The following UVSSA variants were observed in gnomAD, a reference collection of about 807,000 sequenced individuals.
UVSSA encodes UV-stimulated scaffold protein A.
Under a neutral mutation model 73.9 loss-of-function variants are expected in UVSSA, and 72 were observed. The ratio of observed to expected loss-of-function variants is 0.97; its 90% CI spans 0.81 to 1.19. UVSSA has a LOEUF of 1.19. Ranked by LOEUF, UVSSA falls within the 50% of genes most tolerant of loss-of-function variation. The probability of loss-of-function intolerance (pLI) is 0.00; values close to 1 mark genes in which losing one functional copy is unlikely to be tolerated. For missense variants in UVSSA, 1,150 were observed against 965.0 expected, an observed-to-expected ratio of 1.19 and a Z score of -2.54; for synonymous variants, 454 against 391.3, an observed-to-expected ratio of 1.16 and a Z score of -1.89.
rs1719778731 is a variant in UVSSA, at chr4:1,383,782, G to A, written c.1878G>A (p.Glu626=). The A allele has an allele frequency of 5.0e-6, 8 of 1,613,498 alleles. No individual in the cohort carries two copies. Among genetic ancestry groups the A allele is most frequent in the Non-Finnish European group, 5.1e-6 (6 of 1,179,996 alleles). Residue 626 remains glutamate (E), a synonymous_variant, in exon 13 of 14, where the codon GAG becomes GAA. Coordinates refer to ENST00000389851, the MANE Select transcript of UVSSA (RefSeq NM_020894.4). ...KQERPEWQDP[E]LMRDVEAATG... Reference sequence around the variant, plus strand: ...TGTTTGCAGAATGGCAGGACCCTGAGTTGATGAGAGACGTGGAAGCAGCCA... The same window carrying A: ...TGTTTGCAGAATGGCAGGACCCTGAATTGATGAGAGACGTGGAAGCAGCCA...
At chr4:1,355,545 C>G (rs543217553) in intron 7 of UVSSA, among the ~76,000 whole-genome samples, 1 of 152,334 alleles carries the variant, frequency 6.6e-6, no homozygotes, top group South Asian at 2.1e-4. Flanking sequence ...CTGTCCCCCC[C>G]GTGACTCCTT....
rs1299161874 is a variant in UVSSA, at chr4:1,347,266, C to G, written c.-497C>G. 2.0e-5 allele frequency: 3 copies of G among 150,424 alleles called. No individual in the cohort carries two copies. The highest frequency in any genetic ancestry group is 4.5e-5 in the Non-Finnish European group (3 of 67,106). The allele number at this position is 150,424 out of a possible 1,614,324, so 9.3% of individuals were successfully genotyped here. ...TGTGGTTACGCTGCCGGGCGGGGGT[C>G]GCGCCGGTTCGGTCCCCGGGGCTCT... On this transcript the variant is annotated 5_prime_UTR_variant, in exon 1 of 14. Coordinates refer to ENST00000389851, the MANE Select transcript of UVSSA (RefSeq NM_020894.4).
intron 7 of UVSSA, among the ~76,000 whole-genome samples, chr4:1,361,878 G>A (rs202091283): frequency 1.3e-5 from 2 of 150,728 alleles, no homozygotes; most frequent in Admixed American, 6.6e-5. Context: ...TTATAAAAAG[G>A]GAAACAGACA....
In UVSSA at chr4:1,395,335, G is replaced by T; in HGVS notation, c.*9374G>T. The T allele has an allele frequency of 4.1e-6, 6 of 1,446,528 alleles. No homozygotes were observed. Among genetic ancestry groups the T allele is most frequent in the Non-Finnish European group, 5.5e-6 (6 of 1,097,776 alleles). 89.6% of individuals were successfully genotyped at this position (1,446,528 alleles called of 1,614,324 possible). On this transcript the variant is annotated 3_prime_UTR_variant, in exon 14 of 14. Coordinates refer to the UVSSA transcript ENST00000511216. ...TGGAGTGCCCGCCTGCTCACGTGCC[G>T]ATGTGGGGTGCCCGCCTGCTCACAT...
exon 14 of UVSSA, chr4:1,394,423 G>T (rs1311875734): frequency 6.3e-7 from 1 of 1,583,322 alleles, no homozygotes; most frequent in Non-Finnish European, 8.6e-7. Flanking sequence ...TGAAATCATT[G>T]ATCTACTTCT....
chr4:1,353,415 T>C lies in UVSSA; in HGVS notation c.934+2T>C. On this transcript the variant is annotated splice_donor_variant, in intron 5 of 13. Coordinates refer to ENST00000389851, the MANE Select transcript of UVSSA (RefSeq NM_020894.4). LOFTEE classifies it high-confidence loss of function. Reference sequence around the variant, plus strand: ...CGCTGGATGTGGAGCTCTGCTCAGGTAACTGCCTTCGCGGGGTCTCTGTGG... The same window carrying C: ...CGCTGGATGTGGAGCTCTGCTCAGGCAACTGCCTTCGCGGGGTCTCTGTGG... 1.3e-6 allele frequency: 2 copies of C among 1,517,900 alleles called. No homozygotes were observed. Among genetic ancestry groups the C allele is most frequent in the Non-Finnish European group, 1.8e-6 (2 of 1,129,870 alleles). The allele number at this position is 1,517,900 out of a possible 1,614,324, so 94.0% of individuals were successfully genotyped here.
chr4:1,348,566 G>A (rs558491585), intron 2 of UVSSA, among the ~76,000 whole-genome samples: 2 of 152,220 alleles, frequency 1.3e-5, no homozygotes, highest in African/African-American at 2.4e-5. Flanking sequence ...ATCGCCTTTA[G>A]GGTATGTCCA....
chr4:1,393,233 A>G (rs1720446023), exon 14 of UVSSA: 3 of 152,120 alleles, frequency 2.0e-5, no homozygotes, highest in Admixed American at 2.0e-4. Context: ...TGAATTTTTC[A>G]TTTCAGTTAT....
chr4:1,360,593 C>G (rs1560448459), intron 7 of UVSSA, among the ~76,000 whole-genome samples: 2 of 152,242 alleles, frequency 1.3e-5, no homozygotes, highest in Non-Finnish European at 2.9e-5. Context: ...TTCCCAGAGG[C>G]TGGCGTTCTG....
At chr4:1,377,702 G>A (rs1718943811) in intron 10 of UVSSA, among the ~76,000 whole-genome samples, 3 of 152,302 alleles carry the variant, frequency 2.0e-5, no homozygotes, top group Admixed American at 1.3e-4. Flanking sequence ...AGCAGCTGCT[G>A]GTGAGGACCC....
rs1457335612 is a variant in UVSSA, at chr4:1,395,220, G to A, written c.*9259G>A. 7.5e-6 allele frequency: 11 copies of A among 1,462,324 alleles called. 1 individual carries two copies. The highest frequency in any genetic ancestry group is 2.3e-5 in the East Asian group (1 of 43,340). 90.6% of individuals were successfully genotyped at this position (1,462,324 alleles called of 1,614,324 possible). On this transcript the variant is annotated 3_prime_UTR_variant, in exon 14 of 14. Coordinates refer to the UVSSA transcript ENST00000511216. Reference sequence around the variant, plus strand: ...CCCGCCTGCTCACACGTGCCGATGCGGAGTGCCCGCCTGCTCACACGTGCC... The same window carrying A: ...CCCGCCTGCTCACACGTGCCGATGCAGAGTGCCCGCCTGCTCACACGTGCC...
At chr4:1,363,813 C>T (rs548529028) in intron 7 of UVSSA, among the ~76,000 whole-genome samples, 133 of 152,376 alleles carry the variant, frequency 8.7e-4, no homozygotes, top group Non-Finnish European at 1.5e-3. Flanking sequence ...GACAGGCTTC[C>T]CTTTTGATCA....
At chr4:1,380,816 G>A in intron 11 of UVSSA, 64 bp from the exon 12 acceptor site, 1 of 1,593,862 alleles carries the variant, frequency 6.3e-7, no homozygotes, top group Non-Finnish European at 8.6e-7. Flanking sequence ...CGTGGTGGTG[G>A]GGGGAGGTGG....
At position 1,353,207 on chromosome 4, in the gene UVSSA, C is replaced by T. The variant is rs1349035769; in HGVS notation, c.728C>T (p.Pro243Leu). 15 of 1,612,476 alleles carry T rather than the reference C, an allele frequency of 9.3e-6. No individual in the cohort carries two copies. Among genetic ancestry groups the T allele is most frequent in the Admixed American group, 1.7e-5 (1 of 59,980 alleles). The change falls in exon 5 of 14, where the codon CCT becomes CTT. Residue 243 changes from proline to leucine, a missense_variant. Pro to Leu is a moderately conservative substitution (Grantham distance 98). Coordinates refer to ENST00000389851, the MANE Select transcript of UVSSA (RefSeq NM_020894.4). ...GTGGGCCCCTGCCGGTCTGGCACCC[C>T]TGACCCCCGGGACGGGGAGCAGCCC... ...GQVGPCRSGT[P>L]DPRDGEQPCC...
chr4:1,374,711 G>C (rs1033266676), intron 8 of UVSSA, among the ~76,000 whole-genome samples: 1 of 152,240 alleles, frequency 6.6e-6, no homozygotes, highest in African/African-American at 2.4e-5. Context: ...CCAGGGCCAA[G>C]ACCTTGGTCC....
rs1012095844 is a variant in UVSSA, at chr4:1,383,297, C to T, written c.1862-469C>T. ...TCATGCTTGGCCCAGCCCTGCCACA[C>T]GTACCTCCCCACCAGCAGGCGTGTC... On this transcript the variant is annotated intron_variant, in intron 12 of 13. Transcript: ENST00000389851. 2.0e-5 allele frequency among the ~76,000 whole-genome samples: 3 copies of T among 152,224 alleles called. No homozygotes were observed. The East Asian group carries it at 5.8e-4, about 29-fold the overall frequency.
downstream of UVSSA, chr4:1,391,254 C>T (rs1418207492): frequency 1.3e-5 from 2 of 150,758 alleles, no homozygotes; most frequent in African/African-American, 4.9e-5. Context: ...TGTATAGATG[C>T]CTGTTGGGTC....
At chr4:1,352,926 A>G in intron 4 of UVSSA, 104 bp from the exon 5 acceptor site, 1 of 1,454,124 alleles carries the variant, frequency 6.9e-7, no homozygotes, top group East Asian at 2.3e-5. Flanking sequence ...CCTGGTGCTG[A>G]AAAGTGACAC....
intron 8 of UVSSA, among the ~76,000 whole-genome samples, chr4:1,368,951 G>T (rs1717680831): frequency 6.6e-6 from 1 of 152,240 alleles, no homozygotes; most frequent in Non-Finnish European, 1.5e-5. Flanking sequence ...TTCCTCTCAA[G>T]GCCCACGCCT....
Sources: allele counts gnomAD v4.1 joint callset (sites outside exome capture counted in the v4.1 genomes callset), GRCh38; gene constraint gnomAD v4.1.1; transcripts MANE v1.5; gene names NCBI Gene and HGNC (gene_info 2026-07-23, HGNC 2026-07-21).